IL1RAPL2: variants seen among roughly 807,000 people sequenced by gnomAD.
IL1RAPL2 encodes interleukin 1 receptor accessory protein like 2.
IL1RAPL2 carries 3 observed loss-of-function variants against 44.1 expected under a neutral mutation model. The ratio of observed to expected loss-of-function variants is 0.07; its 90% CI spans 0.03 to 0.18. The LOEUF (loss-of-function observed/expected upper bound fraction) is 0.18. Ranked by LOEUF, IL1RAPL2 falls within the 10% of genes least tolerant of loss-of-function variation. The pLI, the probability that IL1RAPL2 is intolerant of heterozygous loss-of-function variation, is 1.00. For missense variants in IL1RAPL2, 391 were observed against 496.4 expected (o/e 0.79, Z 2.02); for synonymous variants, 181 against 178.8 (o/e 1.01, Z -0.10).
intron 8 of IL1RAPL2, among the ~76,000 whole-genome samples, chrX:105,746,836 A>T (rs1185435309): frequency 4.5e-5 from 5 of 111,617 alleles, no homozygotes; most frequent in Non-Finnish European, 5.6e-5. Flanking sequence ...AGCTCTTCTG[A>T]CCAGAGAGAG....
chrX:105,522,623 A>C (rs996752637), intron 6 of IL1RAPL2, among the ~76,000 whole-genome samples: 3 of 112,253 alleles, frequency 2.7e-5, no homozygotes, highest in Non-Finnish European at 5.6e-5. Flanking sequence ...ATTATAATCA[A>C]TGGGGAGCTT....
intron 2 of IL1RAPL2, among the ~76,000 whole-genome samples, chrX:104,754,216 C>A (rs1034987605): frequency 9.0e-6 from 1 of 111,063 alleles, no homozygotes; most frequent in Non-Finnish European, 1.9e-5. Flanking sequence ...GTTAATTAAC[C>A]AAATAAAGAG....
At chrX:105,082,172 G>A (rs1336444123) in intron 2 of IL1RAPL2, among the ~76,000 whole-genome samples, 1 of 111,118 alleles carries the variant, frequency 9.0e-6, no homozygotes, top group African/African-American at 3.3e-5. Flanking sequence ...TGCTCTACTC[G>A]GAGATCCAAT....
chrX:105,102,919 G>T (rs1357217417), intron 2 of IL1RAPL2, among the ~76,000 whole-genome samples: 1 of 111,389 alleles, frequency 9.0e-6, no homozygotes, highest in Non-Finnish European at 1.9e-5. Context: ...AGTAGTAAAA[G>T]ATGATAGCAT....
intron 2 of IL1RAPL2, among the ~76,000 whole-genome samples, chrX:104,905,382 T>C (rs74355241): frequency 5.4e-4 from 59 of 110,044 alleles, no homozygotes; most frequent in East Asian, 2.0e-3. Context: ...CTTGCCCATG[T>C]CTATGTCCTG....
At chrX:104,907,558 G>C (rs1360511403) in intron 2 of IL1RAPL2, among the ~76,000 whole-genome samples, 1 of 111,763 alleles carries the variant, frequency 8.9e-6, no homozygotes, top group Non-Finnish European at 1.9e-5. Flanking sequence ...ATTTCGTTAT[G>C]TACCCAGTCG....
chrX:105,447,075 TTATATATATATATATA>T (rs1205983853), intron 5 of IL1RAPL2, among the ~76,000 whole-genome samples: 15 of 16,870 alleles, frequency 8.9e-4, no homozygotes, highest in Admixed American at 7.6e-3. Flanking sequence ...CTGGTTAAAA[TTATATATATATATATA>T]TATATATATA....
At chrX:104,574,014 A>G (rs756793650) in intron 1 of IL1RAPL2, among the ~76,000 whole-genome samples, 1 of 111,937 alleles carries the variant, frequency 8.9e-6, no homozygotes. Flanking sequence ...AAGACACTCA[A>G]AGATATTTTA....
chrX:105,297,619 C>T (rs1020605493), intron 5 of IL1RAPL2, among the ~76,000 whole-genome samples: 4 of 110,608 alleles, frequency 3.6e-5, no homozygotes, highest in African/African-American at 1.3e-4. Context: ...ATGAGAACTC[C>T]TTCACTATCA....
chrX:105,615,961 TG>T (rs1261610256), intron 6 of IL1RAPL2, among the ~76,000 whole-genome samples: 1 of 111,651 alleles, frequency 9.0e-6, no homozygotes, highest in East Asian at 2.8e-4. Flanking sequence ...GCACCTACTA[TG>T]TACCCACAAA....
intron 6 of IL1RAPL2, among the ~76,000 whole-genome samples, chrX:105,509,450 A>T (rs1302266592): frequency 8.9e-6 from 1 of 112,118 alleles, no homozygotes; most frequent in South Asian, 3.7e-4. Context: ...GGACCCATGA[A>T]ATTGGCTTCA....
intron 5 of IL1RAPL2, among the ~76,000 whole-genome samples, chrX:105,352,179 C>T (rs2035161094): frequency 8.9e-6 from 1 of 111,935 alleles, no homozygotes; most frequent in Non-Finnish European, 1.9e-5. Context: ...ATCTGCCTGC[C>T]TCAGCCTTAC....
chrX:105,401,295 A>G (rs1472774589), intron 5 of IL1RAPL2, among the ~76,000 whole-genome samples: 1 of 111,423 alleles, frequency 9.0e-6, no homozygotes, highest in Non-Finnish European at 1.9e-5. Flanking sequence ...TTCTATTGCC[A>G]AAAGGTTATA....
At chrX:104,869,962 T>C (rs1884035412) in intron 2 of IL1RAPL2, among the ~76,000 whole-genome samples, 1 of 112,182 alleles carries the variant, frequency 8.9e-6, no homozygotes. Context: ...TATTTATCTC[T>C]GTTTAGATGG....
intron 2 of IL1RAPL2, among the ~76,000 whole-genome samples, chrX:104,901,839 G>T (rs769691035): frequency 4.5e-5 from 5 of 111,557 alleles, no homozygotes; most frequent in Admixed American, 9.5e-5. Context: ...GTCATTGTGA[G>T]GATTAAATGA....
chrX:105,233,571 G>T (rs2034093009), intron 3 of IL1RAPL2, among the ~76,000 whole-genome samples: 1 of 111,997 alleles, frequency 8.9e-6, no homozygotes, highest in African/African-American at 3.2e-5. Context: ...CTTACAGTTT[G>T]GAAGATGGGT....
intron 3 of IL1RAPL2, chrX:105,219,975 T>C (rs781980945): frequency 8.3e-7 from 1 of 1,198,940 alleles, no homozygotes; most frequent in South Asian, 1.8e-5. Flanking sequence ...TGTCTCTCTC[T>C]TTCTGCACCT....
At chrX:105,591,274 A>T (rs201285004) in intron 6 of IL1RAPL2, among the ~76,000 whole-genome samples, 1 of 103,764 alleles carries the variant, frequency 9.6e-6, no homozygotes, top group Non-Finnish European at 2.0e-5. Flanking sequence ...TTCCTTTGTC[A>T]TTTCTGATTA....
chrX:104,878,010 T>C (rs1922955818), intron 2 of IL1RAPL2, among the ~76,000 whole-genome samples: 1 of 112,193 alleles, frequency 8.9e-6, no homozygotes, highest in Non-Finnish European at 1.9e-5. Context: ...AAGATTCTTC[T>C]GGCTTTTATT....
Sources: gnomAD v4.1 joint callset for allele counts (sites outside exome capture counted in the v4.1 genomes callset) on GRCh38, gnomAD v4.1.1 for gene constraint, MANE v1.5 for transcripts, NCBI Gene and HGNC (gene_info 2026-07-23, HGNC 2026-07-21) for gene names.